ABCA13: variants seen among roughly 807,000 people sequenced by gnomAD.
ABCA13 encodes the protein ATP-binding cassette sub-family A member 13.
ABCA13 carries 476 observed loss-of-function variants against 478.7 expected under a neutral mutation model. The ratio of observed to expected loss-of-function variants is 0.99; its 90% confidence interval spans 0.92 to 1.07. ABCA13 has a LOEUF of 1.07. Ranked by LOEUF, ABCA13 falls within the 50% of genes least tolerant of loss-of-function variation. ABCA13 has a pLI of 0.00. For synonymous variants in ABCA13, 2,252 were observed against 2,158.9 expected (o/e 1.04, Z -1.20); for missense variants, 6,060 against 5,910.6 (o/e 1.03, Z -0.83).
intron 14 of ABCA13, 70 bp from the exon 15 acceptor site, chr7:48,249,142 T>A: frequency 7.0e-7 from 1 of 1,421,606 alleles, no homozygotes. Flanking sequence ...TTTAGAAAAA[T>A]TTATAATGAT....
chr7:48,441,180 T>G (rs537479475), intron 42 of ABCA13, among the ~76,000 whole-genome samples: 2 of 152,160 alleles, frequency 1.3e-5, no homozygotes, highest in Admixed American at 6.5e-5. Flanking sequence ...ACTTAGTAGA[T>G]GTAACTTAAT....
chr7:48,528,231 C>T lies in ABCA13; in HGVS notation c.14245-5C>T, dbSNP rs564585746. ...TGTGCTTTACTTAACTTTGTTTCCTCTTAGTGCTTTGGACTTCTAGGGGTG... is the reference window on the plus strand; with the variant it reads ...TGTGCTTTACTTAACTTTGTTTCCTTTTAGTGCTTTGGACTTCTAGGGGTG... On this transcript the variant is annotated splice_polypyrimidine_tract_variant and splice_region_variant and intron_variant, in intron 54 of 61. Coordinates refer to ENST00000435803, the MANE Select transcript of ABCA13 (RefSeq NM_152701.5). 70 of 1,564,034 alleles carry T rather than the reference C, an allele frequency of 4.5e-5. No homozygotes were observed. Among genetic ancestry groups the T allele is most frequent in the South Asian group, 4.1e-4 (35 of 84,782 alleles).
chr7:48,514,174 TATTGCTGGATGTGGA>T lies in ABCA13; in HGVS notation c.13641-2550_13641-2536del, dbSNP rs377618862. ...GGGAGGCTGCTGTACCCTTAGATTG[TATTGCTGGATGTGGA>T]GATGCTGATCAAAGCAGATGATAAT... is the stretch of plus-strand genomic sequence containing the variant. On this transcript the variant is annotated intron_variant, in intron 51 of 61. Transcript: ENST00000435803. Among the ~76,000 whole-genome samples the T allele has an allele frequency of 1.7e-3, 264 of 152,332 alleles. 4 individuals are homozygous for T. The highest frequency in any genetic ancestry group is 5.9e-3 in the African/African-American group (247 of 41,590).
intron 23 of ABCA13, among the ~76,000 whole-genome samples, chr7:48,303,148 G>A (rs563442207): frequency 6.6e-5 from 10 of 152,150 alleles, no homozygotes; most frequent in African/African-American, 2.4e-4. Context: ...TCTGAAAAGT[G>A]TCTGTTCATG....
intron 26 of ABCA13, among the ~76,000 whole-genome samples, chr7:48,316,275 A>C (rs890530302): frequency 4.6e-5 from 7 of 152,208 alleles, no homozygotes; most frequent in Non-Finnish European, 7.3e-5. Context: ...GGGCTCATTA[A>C]AGACAGTTCA....
chr7:48,465,520 CTTTCT>C (rs920374889), intron 43 of ABCA13, among the ~76,000 whole-genome samples: 2 of 130,796 alleles, frequency 1.5e-5, no homozygotes, highest in African/African-American at 5.7e-5. Flanking sequence ...TACATTTCTT[CTTTCT>C]TTTTTTTTTT....
At chr7:48,601,157 T>G (rs1420739379) in intron 58 of ABCA13, among the ~76,000 whole-genome samples, 1 of 152,176 alleles carries the variant, frequency 6.6e-6, no homozygotes, top group African/African-American at 2.4e-5. Context: ...ATTTATTTTT[T>G]TTATAATTTT....
At chr7:48,194,887 GCCTTT>G in intron 2 of ABCA13, among the ~76,000 whole-genome samples, 2 of 152,162 alleles carry the variant, frequency 1.3e-5, no homozygotes, top group South Asian at 4.1e-4. Context: ...TGTATTGAGT[GCCTTT>G]TGTGTTTCAG....
At chr7:48,334,337 ATTT>A (rs57409709) in intron 27 of ABCA13, among the ~76,000 whole-genome samples, 2 of 138,808 alleles carry the variant, frequency 1.4e-5, no homozygotes, top group Admixed American at 7.1e-5. Context: ...CTCTATCCCT[ATTT>A]TTTTTTTTTT....
rs1808834348 is a variant in ABCA13, at chr7:48,350,694, T to C, written c.10256T>C (p.Phe3419Ser). ...FNHAGAGRFRFLGSILVNLSS... is the reference protein window; with the variant it reads ...FNHAGAGRFRSLGSILVNLSS... ...CATGCAGGCGCTGGACGCTTCCGTT[T>C]CTTGGGCAGCATCTTGGTCAATCTC... Residue 3419 changes from phenylalanine to serine, a missense_variant, in exon 30 of 62, where the codon TTC (phenylalanine) becomes TCC (serine). Coordinates refer to ENST00000435803, the MANE Select transcript of ABCA13 (RefSeq NM_152701.5). 1 of 1,613,968 alleles carries C rather than the reference T, an allele frequency of 6.2e-7. No homozygotes were observed. Among genetic ancestry groups the C allele is most frequent in the Non-Finnish European group, 8.5e-7 (1 of 1,179,862 alleles).
In ABCA13 at chr7:48,497,546, A is replaced by G. The variant is rs115147577; in HGVS notation, c.13291+8202A>G. Among the ~76,000 whole-genome samples the G allele has an allele frequency of 2.3e-3, 344 of 152,334 alleles. 1 individual carries two copies. Among genetic ancestry groups the G allele is most frequent in the African/African-American group, 8.0e-3 (333 of 41,580 alleles). ...TCTGGATTCCTTTTCCTAGCAGGCA[A>G]GCCCTCTGTTGAGGAATCATATGAG... is the stretch of plus-strand genomic sequence containing the variant. On this transcript the variant is annotated intron_variant, in intron 48 of 61. Transcript: ENST00000435803.
At chr7:48,447,060 C>T (rs1242317446) in intron 42 of ABCA13, among the ~76,000 whole-genome samples, 1 of 152,178 alleles carries the variant, frequency 6.6e-6, no homozygotes, top group Non-Finnish European at 1.5e-5. Context: ...AAATAAACCT[C>T]CTGAGGTTAA....
intron 29 of ABCA13, among the ~76,000 whole-genome samples, chr7:48,345,977 A>G (rs180768545): frequency 2.6e-5 from 4 of 152,328 alleles, no homozygotes; most frequent in Admixed American, 6.5e-5. Flanking sequence ...AGATAAACAA[A>G]TCCTTACCAT....
At position 48,566,243 on chromosome 7, in the gene ABCA13, TTAAA is replaced by T. The variant is rs372270038; in HGVS notation, c.14355-13976_14355-13973del. ...CAAAATTTCTTGATCTGTTATGTCA[TTAAA>T]TAAAGGGGGAGAAACAGCTAGTCAG... is the stretch of plus-strand genomic sequence containing the variant. On this transcript the variant is annotated intron_variant, in intron 55 of 61. Coordinates refer to ENST00000435803, the MANE Select transcript of ABCA13 (RefSeq NM_152701.5). Among the ~76,000 whole-genome samples the T allele has an allele frequency of 7.3e-3, 1,114 of 152,220 alleles. 8 individuals are homozygous for T. The highest frequency in any genetic ancestry group is 8.1e-3 in the Non-Finnish European group (550 of 68,000).
intron 58 of ABCA13, among the ~76,000 whole-genome samples, chr7:48,596,679 TC>T (rs761388505): frequency 1.7e-3 from 260 of 151,922 alleles, no homozygotes; most frequent in Non-Finnish European, 3.3e-3. Flanking sequence ...GCGCCTGTAG[TC>T]CCAGCTACTC....
At chr7:48,612,139 G>A (rs1243169778) in intron 58 of ABCA13, 3 of 152,152 alleles carry the variant, frequency 2.0e-5, no homozygotes, top group Non-Finnish European at 4.4e-5. Flanking sequence ...CATGGTTGAT[G>A]TTGACTCATC....
chr7:48,351,262 A>G (rs987257014), intron 30 of ABCA13, among the ~76,000 whole-genome samples: 1 of 152,184 alleles, frequency 6.6e-6, no homozygotes, highest in Admixed American at 6.5e-5. Context: ...CCATTATTTA[A>G]TTGTTCACCC....
At chr7:48,226,021 G>T (rs1254510392) in intron 5 of ABCA13, among the ~76,000 whole-genome samples, 5 of 152,194 alleles carry the variant, frequency 3.3e-5, no homozygotes, top group Admixed American at 3.3e-4. Context: ...AAGAGGTGTT[G>T]GCAGAATGGA....
chr7:48,594,627 T>A, intron 57 of ABCA13, 83 bp from the exon 58 acceptor site: 1 of 1,305,080 alleles, frequency 7.7e-7, no homozygotes, highest in Non-Finnish European at 1.1e-6. Flanking sequence ...TTCTTTCACC[T>A]GGGGTCTGGC....
Sources: gnomAD v4.1 joint callset for allele counts (sites outside exome capture counted in the v4.1 genomes callset) on GRCh38, gnomAD v4.1.1 for gene constraint, MANE v1.5 for transcripts, NCBI Gene and HGNC (gene_info 2026-07-23, HGNC 2026-07-21) for gene names.